Variants in LINGO2 observed in about 807,000 individuals in gnomAD.
LINGO2 encodes the protein leucine rich repeat and Ig domain containing 2, also known as leucine-rich repeat and immunoglobulin-like domain-containing nogo receptor-interacting protein 2.
Under a neutral mutation model 30.6 loss-of-function variants are expected in LINGO2, and 14 were observed. That is an observed-to-expected ratio of 0.46 (90% CI 0.30 to 0.72). The LOEUF (loss-of-function observed/expected upper bound fraction) is 0.72. LINGO2 is among the 30% of genes least tolerant of loss of function. The pLI is 0.07. For synonymous variants in LINGO2, 317 were observed against 288.5 expected (o/e 1.10, Z -1.00); for missense variants, 729 against 751.7 (o/e 0.97, Z 0.35).
the LINGO2 span, among the ~76,000 whole-genome samples, chr9:28,977,146 T>A: frequency 6.6e-6 from 1 of 152,158 alleles, no homozygotes; most frequent in Non-Finnish European, 1.5e-5. Flanking sequence ...GGTACTCTGA[T>A]GAGAAAAAAT....
chr9:28,599,259 A>G (rs1825352621), intron 1 of LINGO2: 1 of 152,186 alleles, frequency 6.6e-6, no homozygotes, highest in African/African-American at 2.4e-5. Flanking sequence ...AGGTAATTGA[A>G]TATCTTACCT....
chr9:28,964,097 T>TAC, the LINGO2 span, among the ~76,000 whole-genome samples: 18 of 151,348 alleles, frequency 1.2e-4, no homozygotes, highest in African/African-American at 3.2e-4. Context: ...TACATATATG[T>TAC]ACACACACAC....
chr9:29,163,575 G>C, the LINGO2 span, among the ~76,000 whole-genome samples: 1 of 151,998 alleles, frequency 6.6e-6, no homozygotes, highest in African/African-American at 2.4e-5. Context: ...AAAAATGATG[G>C]CATCAAAAAG....
intron 4 of LINGO2, among the ~76,000 whole-genome samples, chr9:28,018,303 G>T (rs13295840): frequency 0.29 from 43,476 of 152,016 alleles, 7,200 homozygotes; most frequent in Non-Finnish European, 0.38. Flanking sequence ...CCCTGGCAAA[G>T]ATTTCATGAT....
chr9:28,362,061 T>A (rs767714182), intron 3 of LINGO2, among the ~76,000 whole-genome samples: 24 of 152,226 alleles, frequency 1.6e-4, no homozygotes, highest in Admixed American at 3.9e-4. Flanking sequence ...TGCTAAAACA[T>A]ACAGATTCCT....
chr9:28,509,448 T>C (rs1820282366), intron 1 of LINGO2, among the ~76,000 whole-genome samples: 1 of 151,968 alleles, frequency 6.6e-6, no homozygotes, highest in Admixed American at 6.5e-5. Flanking sequence ...TATCTGGATA[T>C]TTTTCTAGTC....
chr9:28,476,266 T>G (rs1825722473), intron 1 of LINGO2, among the ~76,000 whole-genome samples: 1 of 152,194 alleles, frequency 6.6e-6, no homozygotes, highest in South Asian at 2.1e-4. Context: ...AAATTAATCA[T>G]TAAATTATTT....
chr9:28,456,026 A>G (rs1824832888), intron 2 of LINGO2, among the ~76,000 whole-genome samples: 1 of 152,130 alleles, frequency 6.6e-6, no homozygotes, highest in African/African-American at 2.4e-5. Flanking sequence ...GTTCTCTTAT[A>G]TCTCATTTTT....
At chr9:28,153,452 A>C (rs1414564037) in intron 4 of LINGO2, among the ~76,000 whole-genome samples, 1 of 152,160 alleles carries the variant, frequency 6.6e-6, no homozygotes, top group Non-Finnish European at 1.5e-5. Context: ...CAGAGCCTAG[A>C]ACATTACCTA....
intron 1 of LINGO2, among the ~76,000 whole-genome samples, chr9:28,508,084 G>A (rs907912135): frequency 4.6e-5 from 7 of 151,948 alleles, no homozygotes; most frequent in African/African-American, 1.7e-4. Flanking sequence ...TAAATGATTT[G>A]AAATTTATAA....
intron 4 of LINGO2, among the ~76,000 whole-genome samples, chr9:28,021,000 T>C (rs1245310602): frequency 1.3e-5 from 2 of 152,058 alleles, no homozygotes; most frequent in Non-Finnish European, 2.9e-5. Context: ...TTTGGTTTCA[T>C]TTCTTTTCTT....
chr9:29,055,961 C>CACATAT, the LINGO2 span, among the ~76,000 whole-genome samples: 1 of 77,878 alleles, frequency 1.3e-5, no homozygotes, highest in African/African-American at 4.5e-5. Flanking sequence ...TATATATGTA[C>CACATAT]ATGTATATAT....
the LINGO2 span, among the ~76,000 whole-genome samples, chr9:28,702,812 T>C: frequency 6.6e-6 from 1 of 151,944 alleles, no homozygotes; most frequent in Non-Finnish European, 1.5e-5. Context: ...CAATTTCATA[T>C]ATATAGGCTT....
At chr9:29,099,841 C>A in the LINGO2 span, among the ~76,000 whole-genome samples, 35,877 of 151,928 alleles carry the variant, frequency 0.24, 4,362 homozygotes, top group East Asian at 0.41. Context: ...CGAAAACTAA[C>A]AATAGGGTTA....
At chr9:28,771,486 TGTGTGTGTGTGTGTGTGTGTGA>T in the LINGO2 span, among the ~76,000 whole-genome samples, 2 of 137,762 alleles carry the variant, frequency 1.5e-5, no homozygotes, top group South Asian at 2.6e-4. Flanking sequence ...TGTGTGTGTG[TGTGTGTGTGTGTGTGTGTGTGA>T]GAGAGAGAGA....
intron 1 of LINGO2, among the ~76,000 whole-genome samples, chr9:28,621,743 G>A (rs1490486848): frequency 6.6e-6 from 1 of 151,850 alleles, no homozygotes; most frequent in Non-Finnish European, 1.5e-5. Context: ...AGCAAATATT[G>A]CAATAAAGTA....
chr9:29,055,948 A>ATATATGTGTATATATAT, the LINGO2 span, among the ~76,000 whole-genome samples: 1 of 149,142 alleles, frequency 6.7e-6, no homozygotes, highest in East Asian at 2.0e-4. Context: ...GTGTATATAT[A>ATATATGTGTATATATAT]CATATATATG....
At chr9:28,063,094 AC>A (rs1825206387) in intron 4 of LINGO2, among the ~76,000 whole-genome samples, 1 of 152,194 alleles carries the variant, frequency 6.6e-6, no homozygotes, top group African/African-American at 2.4e-5. Context: ...AAACCATAGA[AC>A]CAAAGCAAAA....
intron 4 of LINGO2, among the ~76,000 whole-genome samples, chr9:28,038,128 AATTTC>A (rs1824025427): frequency 6.6e-6 from 1 of 152,182 alleles, no homozygotes; most frequent in African/African-American, 2.4e-5. Context: ...ATGAGTCCGG[AATTTC>A]ATTTTCTGGA....
Sources: gnomAD v4.1 joint callset for allele counts (sites outside exome capture counted in the v4.1 genomes callset) on GRCh38, gnomAD v4.1.1 for gene constraint, MANE v1.5 for transcripts, NCBI Gene and HGNC (gene_info 2026-07-23, HGNC 2026-07-21) for gene names.